Variants in TTC23L observed in about 807,000 individuals in gnomAD.
The protein encoded by TTC23L is tetratricopeptide repeat protein 23-like.
TTC23L carries 42 observed loss-of-function variants against 48.1 expected under a neutral mutation model. That is an observed-to-expected ratio of 0.87 (90% CI 0.68 to 1.13). The LOEUF (loss-of-function observed/expected upper bound fraction) is 1.13. Ranked by LOEUF, TTC23L falls within the 50% of genes most tolerant of loss-of-function variation. TTC23L has a pLI of 0.00. For missense variants in TTC23L, 391 were observed against 421.0 expected (o/e 0.93, Z 0.62); for synonymous variants, 159 against 157.2 (o/e 1.01, Z -0.09).
At chr5:34,915,730 C>T in the TTC23L span, 4 of 1,594,340 alleles carry the variant, frequency 2.5e-6, no homozygotes, top group African/African-American at 1.3e-5. Context: ...GCGCGGGCGG[C>T]GAGGCAAGAT....
At chr5:34,862,308 T>C (rs1318133797) in intron 4 of TTC23L, among the ~76,000 whole-genome samples, 11 of 152,012 alleles carry the variant, frequency 7.2e-5, no homozygotes, top group Admixed American at 3.3e-4. Context: ...TCATCTTAGA[T>C]TGAAAAAAAA....
At chr5:34,910,432 C>G in the TTC23L span, among the ~76,000 whole-genome samples, 2 of 143,812 alleles carry the variant, frequency 1.4e-5, no homozygotes, top group African/African-American at 5.1e-5. Context: ...TTTTTCTTTT[C>G]TTTTTTTTTT....
At chr5:34,908,651 C>A in the TTC23L span, 13 of 944,510 alleles carry the variant, frequency 1.4e-5, no homozygotes, top group Non-Finnish European at 1.9e-5. Context: ...CTATCTTCCC[C>A]ATTGTGCTTC....
At position 34,887,856 on chromosome 5, in the gene TTC23L, A is replaced by G. The variant is rs553690355; in HGVS notation, c.1077+7548A>G. Among the ~76,000 whole-genome samples the G allele has an allele frequency of 3.3e-4, 51 of 152,340 alleles. No homozygotes were observed. In the East Asian group the frequency reaches 9.3e-3, roughly 28 times the overall value. The stretch of plus-strand genomic sequence containing the variant: ...GACAAATGTTCTGAAATAAAAAAAG[A>G]CCATAGCATATACATTGTAAGGATT... On this transcript the variant is annotated intron_variant, in intron 9 of 10. Transcript: ENST00000505624.
At chr5:34,886,117 T>TTCA (rs1299757797) in intron 9 of TTC23L, among the ~76,000 whole-genome samples, 3 of 152,188 alleles carry the variant, frequency 2.0e-5, no homozygotes, top group Admixed American at 2.0e-4. Flanking sequence ...TTTCCATTCC[T>TTCA]TCATCTGTAA....
At chr5:34,850,812 C>A (rs1480959840) in intron 4 of TTC23L, among the ~76,000 whole-genome samples, 1 of 152,134 alleles carries the variant, frequency 6.6e-6, no homozygotes, top group Non-Finnish European at 1.5e-5. Flanking sequence ...GGAAGGTACT[C>A]TAGTATAAGA....
At chr5:34,898,764 A>G (rs554233669) in intron 10 of TTC23L, among the ~76,000 whole-genome samples, 47 of 152,220 alleles carry the variant, frequency 3.1e-4, no homozygotes, top group Admixed American at 1.4e-3. Context: ...TTCATATTCT[A>G]CAGAACAAAT....
rs35797294 is a variant in TTC23L at position 34,840,237 on chromosome 5, CG to C, written c.-7-415del. On this transcript the variant is annotated intron_variant, in intron 1 of 10. Coordinates refer to ENST00000505624, the Ensembl canonical transcript of TTC23L. ...CTGCTATTAATTAGTGAAATGACCCCGGGGGGGGGGGGGAAAGCAGAATTAA... is the reference window on the plus strand; with the variant it reads ...CTGCTATTAATTAGTGAAATGACCCCGGGGGGGGGGGGAAAGCAGAATTAA... Among the ~76,000 whole-genome samples the C allele has an allele frequency of 8.9e-3, 389 of 43,524 alleles. 9 individuals are homozygous for C. The highest frequency in any genetic ancestry group is 0.058 in the East Asian group (105 of 1,824). The allele number at this position is 43,524 out of a possible 152,430, so 28.6% of individuals were successfully genotyped here.
At chr5:34,904,126 C>A (rs988553976), downstream of TTC23L, among the ~76,000 whole-genome samples, 2 of 150,730 alleles carry the variant, frequency 1.3e-5, no homozygotes, top group African/African-American at 2.4e-5. Context: ...CCACACCTGG[C>A]TAATTAAAAA....
At chr5:34,862,157 GA>G (rs1233650565) in intron 4 of TTC23L, among the ~76,000 whole-genome samples, 4 of 152,070 alleles carry the variant, frequency 2.6e-5, no homozygotes, top group African/African-American at 9.7e-5. Context: ...GAAAAGAAAA[GA>G]AAAAACAAGG....
the TTC23L span, chr5:34,909,436 T>A: frequency 1.0e-6 from 1 of 968,516 alleles, no homozygotes; most frequent in Non-Finnish European, 1.6e-6. Flanking sequence ...AACACTTCCT[T>A]AAGAAATTCA....
intron 4 of TTC23L, among the ~76,000 whole-genome samples, chr5:34,851,929 TG>T (rs1164166299): frequency 6.6e-6 from 1 of 152,116 alleles, no homozygotes; most frequent in Non-Finnish European, 1.5e-5. Context: ...AACAAAATTC[TG>T]GGGAGGCAGT....
chr5:34,850,934 C>T (rs1034719649), intron 4 of TTC23L, among the ~76,000 whole-genome samples: 14 of 152,152 alleles, frequency 9.2e-5, no homozygotes, highest in African/African-American at 3.4e-4. Flanking sequence ...GAGGCGAGAG[C>T]GCATTTCAGG....
Position 34,876,404 on chromosome 5 carries a change from A to G in TTC23L, c.950-3777A>G, listed in dbSNP as rs559491079. On this transcript the variant is annotated intron_variant, in intron 8 of 10. Coordinates refer to ENST00000505624, the Ensembl canonical transcript of TTC23L. ...AAAAGACAGGACACAAATTACCATT[A>G]TGAGAAATGAAACAGGAGACATCAC... Among the ~76,000 whole-genome samples the G allele has an allele frequency of 4.6e-5, 7 of 150,670 alleles. No individual in the cohort carries two copies. The South Asian group carries it at 1.2e-3, about 27-fold the overall frequency.
Position 34,863,084 on chromosome 5 carries a change from G to A in TTC23L, c.536+30G>A, listed in dbSNP as rs1374960647. ...CCTTCCATTCCTAGCTGCGTTTAGT[G>A]TTCGGGGCCACAGGCCACACATGCC... On this transcript the variant is annotated intron_variant, in intron 5 of 10. Coordinates refer to ENST00000505624, the Ensembl canonical transcript of TTC23L. The surrounding 1 kb of genome is among the most constrained non-coding windows in gnomAD (Gnocchi z 4.1). 3 of 1,612,476 alleles carry A rather than the reference G, an allele frequency of 1.9e-6. No homozygotes were observed. Among genetic ancestry groups the A allele is most frequent in the Admixed American group, 1.7e-5 (1 of 59,946 alleles).
intron 3 of TTC23L, among the ~76,000 whole-genome samples, chr5:34,846,657 ATATGTGTGTATGTGTGTGTGTGTG>A (rs1197188552): frequency 2.2e-4 from 22 of 100,288 alleles, no homozygotes; most frequent in Non-Finnish European, 4.2e-4. Context: ...ACAAATACAT[ATATGTGTGTATGTGTGTGTGTGTG>A]TGTGTGTGTG....
At chr5:34,844,322 AG>A (rs1758933349) in intron 2 of TTC23L, among the ~76,000 whole-genome samples, 1 of 37,578 alleles carries the variant, frequency 2.7e-5, no homozygotes, top group African/African-American at 1.3e-4. Flanking sequence ...CCTCTTGATA[AG>A]TTAATTAGAA....
chr5:34,918,575 A>T, the TTC23L span: 1 of 638,334 alleles, frequency 1.6e-6, no homozygotes, highest in Non-Finnish European at 2.5e-6. Context: ...CAGTGTTCTC[A>T]CGAAAAAAAC....
chr5:34,859,025 G>C (rs146323120), intron 4 of TTC23L, among the ~76,000 whole-genome samples: 1 of 152,160 alleles, frequency 6.6e-6, no homozygotes, highest in African/African-American at 2.4e-5. Flanking sequence ...TGCAGGGAGG[G>C]TGCAGGCTTT....
Sources: gnomAD v4.1 joint callset for allele counts (sites outside exome capture counted in the v4.1 genomes callset) on GRCh38, gnomAD v4.1.1 for gene constraint, Gnocchi (gnomAD v3.1) non-coding constraint, MANE v1.5 for transcripts, NCBI Gene and HGNC (gene_info 2026-07-23, HGNC 2026-07-21) for gene names.